Variants in WFS1 observed in about 807,000 individuals in gnomAD.
WFS1 encodes wolframin.
Under a neutral mutation model 68.5 loss-of-function variants are expected in WFS1, and 90 were observed. That is an observed-to-expected ratio of 1.31 (90% CI 1.11 to 1.56). WFS1 has a LOEUF of 1.56. Among genes scored for constraint, WFS1 ranks in the 40% most tolerant of loss-of-function variants. The pLI is 0.00. For synonymous variants in WFS1, 860 were observed against 540.7 expected (o/e 1.59, Z -8.19); for missense variants, 1,767 against 1,232.6 (o/e 1.43, Z -6.49).
chr4:6,278,420 A>C lies in WFS1; in HGVS notation c.232+733A>C, dbSNP rs141945369. Among the ~76,000 whole-genome samples, 17 of 152,292 alleles carry C rather than the reference A, an allele frequency of 1.1e-4. 1 individual carries two copies. The East Asian group carries it at 3.1e-3, about 28-fold the overall frequency. On this transcript the variant is annotated intron_variant, in intron 2 of 7. Transcript: ENST00000226760. ...TTTGCTAGAGAGGCCGCTGCCAGGGAGGCTCAGTCCCAGCTCATCACTGCC... is the reference window on the plus strand; with the variant it reads ...TTTGCTAGAGAGGCCGCTGCCAGGGCGGCTCAGTCCCAGCTCATCACTGCC...
At chr4:6,290,416 T>C (rs1730429107) in intron 4 of WFS1, among the ~76,000 whole-genome samples, 1 of 152,216 alleles carries the variant, frequency 6.6e-6, no homozygotes, top group Admixed American at 6.5e-5. Flanking sequence ...CACGGCTCAT[T>C]GTTGGGTGCC....
chr4:6,301,324 A>C lies in WFS1; in HGVS notation c.1529A>C (p.Tyr510Ser). The change falls in exon 8 of 8, where the codon TAC becomes TCC. Residue 510 changes from tyrosine to serine, a missense_variant. Transcript: ENST00000226760. ...NVSVPCLLYV[Y>S]LLYLFFRMAQ... is the part of the protein sequence containing the mutation. ...AGCGTCCCGTGCCTGCTCTATGTCT[A>C]CCTGCTCTATCTCTTCTTCCGCATG... is the stretch of plus-strand genomic sequence containing the variant. The C allele has an allele frequency of 1.9e-6, 3 of 1,611,552 alleles. No individual in the cohort carries two copies. Among genetic ancestry groups the C allele is most frequent in the Non-Finnish European group, 2.5e-6 (3 of 1,179,886 alleles).
In WFS1 at chr4:6,301,384, A is replaced by ACCTT; in HGVS notation, c.1590_1593dup (p.Val532ProfsTer12). 1 of 1,612,366 alleles carries ACCTT rather than the reference A, an allele frequency of 6.2e-7. No individual in the cohort carries two copies. Among genetic ancestry groups the ACCTT allele is most frequent in the Non-Finnish European group, 8.5e-7 (1 of 1,179,966 alleles). On this transcript the variant is annotated frameshift_variant, in exon 8 of 8. Transcript: ENST00000226760. LOFTEE classifies it high-confidence loss of function. ...AGGAATTTCAAGGGCACCTACTGCT[A>ACCTT]CCTTGTGCCCTACCTGGTGTGCTTC...
intron 5 of WFS1, among the ~76,000 whole-genome samples, chr4:6,291,618 A>T (rs1730466657): frequency 6.6e-6 from 1 of 152,124 alleles, no homozygotes. Context: ...TCAAGTGCTC[A>T]CTCATTGAAT....
At position 6,287,859 on chromosome 4, in the gene WFS1, C is replaced by T. The variant is rs936778911; in HGVS notation, c.315+684C>T. ...GCTCAAGCAAGTGACCACAGTTATC[C>T]TGAGCAGTTTCCTGCCCCCTCTTCT... On this transcript the variant is annotated intron_variant, in intron 3 of 7. Coordinates refer to ENST00000226760, the MANE Select transcript of WFS1 (RefSeq NM_006005.3). The surrounding 1 kb of genome is among the most constrained non-coding windows in gnomAD (Gnocchi z 6.4). Among the ~76,000 whole-genome samples, 15 of 152,172 alleles carry T rather than the reference C, an allele frequency of 9.9e-5. No individual in the cohort carries two copies. The highest frequency in any genetic ancestry group is 3.4e-4 in the African/African-American group (14 of 41,446).
intron 7 of WFS1, among the ~76,000 whole-genome samples, chr4:6,298,556 G>C (rs980092104): frequency 1.3e-5 from 2 of 151,838 alleles, no homozygotes; most frequent in Non-Finnish European, 2.9e-5. Context: ...GTTCCCCCAC[G>C]TGTAGACGTG....
At position 6,295,093 on chromosome 4, in the gene WFS1, C is replaced by T. The variant is rs1188757426; in HGVS notation, c.765C>T (p.Ala255=). 4.5e-5 allele frequency: 73 copies of T among 1,613,420 alleles called. No homozygotes were observed. Among genetic ancestry groups the T allele is most frequent in the Non-Finnish European group, 5.6e-5 (66 of 1,180,040 alleles). Residue 255 remains alanine (A), a synonymous_variant, in exon 7 of 8, where the codon GCC becomes GCT. Transcript: ENST00000226760. ...TTGTGGAGATCACTAAGAAGTACGC[C>T]AAGGGCGTCATCCCCAGCAGCCTGT... is the stretch of plus-strand genomic sequence containing the variant. ...DDFVEITKKY[A]KGVIPSSLFL... is the part of the protein sequence containing the mutation.
At chr4:6,295,308 T>TA (rs778341895) in intron 7 of WFS1, 119 bp downstream of exon 7, 2 of 1,242,490 alleles carry the variant, frequency 1.6e-6, no homozygotes, top group Non-Finnish European at 2.3e-6. Context: ...AAGAGTGTCT[T>TA]ACAGCCGTGC....
chr4:6,281,812 G>GC (rs1235756121), intron 2 of WFS1, among the ~76,000 whole-genome samples: 1 of 152,124 alleles, frequency 6.6e-6, no homozygotes. Flanking sequence ...TCCTGACCTG[G>GC]CCCATCTGAT....
chr4:6,281,136 G>A (rs1357448353), intron 2 of WFS1, among the ~76,000 whole-genome samples: 3 of 152,316 alleles, frequency 2.0e-5, no homozygotes, highest in South Asian at 2.1e-4. Context: ...ACACAGATGC[G>A]GACAGGAGCA....
In WFS1 at chr4:6,269,893, A is replaced by T. The variant is rs542116747; in HGVS notation, c.-127A>T. On this transcript the variant is annotated 5_prime_UTR_variant, in exon 1 of 8. Coordinates refer to ENST00000226760, the MANE Select transcript of WFS1 (RefSeq NM_006005.3). ...GCCGGCTCTTCAGCAGCGAGTGCAG[A>T]TTGCTCCCCCGCGGCCGCAGATCTC... 5 of 152,170 alleles carry T rather than the reference A, an allele frequency of 3.3e-5. No individual in the cohort carries two copies. The East Asian group carries it at 9.7e-4, about 29-fold the overall frequency. 9.4% of individuals were successfully genotyped at this position (152,170 alleles called of 1,614,324 possible).
intron 7 of WFS1, among the ~76,000 whole-genome samples, chr4:6,299,858 C>CAGGTAGGTTGCGTGT (rs1730801444): frequency 1.3e-5 from 1 of 76,408 alleles, no homozygotes; most frequent in African/African-American, 5.4e-5. Flanking sequence ...TGTGTGAATG[C>CAGGTAGGTTGCGTGT]GTGTGTGTAG....
chr4:6,299,858 C>CGT (rs1241238507), intron 7 of WFS1, among the ~76,000 whole-genome samples: 1 of 76,374 alleles, frequency 1.3e-5, no homozygotes, highest in Non-Finnish European at 2.3e-5. Context: ...TGTGTGAATG[C>CGT]GTGTGTGTAG....
Position 6,301,526 on chromosome 4 carries a change from G to C in WFS1, c.1731G>C (p.Leu577=), listed in dbSNP as rs760031371. The C allele has an allele frequency of 6.2e-7, 1 of 1,613,884 alleles. No homozygotes were observed. The highest frequency in any genetic ancestry group is 8.5e-7 in the Non-Finnish European group (1 of 1,180,036). Residue 577 remains leucine, a synonymous_variant, in exon 8 of 8, where the codon CTG becomes CTC. Coordinates refer to ENST00000226760, the MANE Select transcript of WFS1 (RefSeq NM_006005.3). ...LFALPILVAG[L]ALVGVLQFAR... ...CCCTCCCCATCCTGGTGGCCGGCCT[G>C]GCCCTGGTGGGCGTGCTGCAGTTCG...
intron 7 of WFS1, among the ~76,000 whole-genome samples, chr4:6,298,949 C>T (rs989007111): frequency 1.3e-5 from 2 of 152,226 alleles, no homozygotes; most frequent in African/African-American, 4.8e-5. Context: ...GTCATGTAGC[C>T]CCTCAGTGGG....
Position 6,300,854 on chromosome 4 carries a change from C to T in WFS1, c.1059C>T (p.Ser353=), listed in dbSNP as rs779118183. The part of the protein sequence containing the change: ...FFIPLVIFYL[S]FISMVICTLK... ...TCCCGCTGGTCATCTTCTACCTGTC[C>T]TTCATCTCCATGGTGATCTGCACCC... Residue 353 remains serine (S), a synonymous_variant, in exon 8 of 8, where the codon TCC becomes TCT. Transcript: ENST00000226760. 4.3e-6 allele frequency: 7 copies of T among 1,614,050 alleles called. No homozygotes were observed. The highest frequency in any genetic ancestry group is 3.3e-5 in the South Asian group (3 of 91,068).
Position 6,302,527 on chromosome 4 carries a change from G to T in WFS1, c.*59G>T. On this transcript the variant is annotated 3_prime_UTR_variant, in exon 8 of 8. Coordinates refer to ENST00000226760, the MANE Select transcript of WFS1 (RefSeq NM_006005.3). ...TTGCCATGAGGCCTTTCCCCAGTGT[G>T]GCCCCAGCCCGACAGGCATGCACCA... 4 of 1,603,874 alleles carry T rather than the reference G, an allele frequency of 2.5e-6. No individual in the cohort carries two copies. In the Admixed American group the frequency reaches 6.7e-5, roughly 27 times the overall value.
At position 6,302,052 on chromosome 4, in the gene WFS1, G is replaced by T; in HGVS notation, c.2257G>T (p.Glu753Ter). The change falls in exon 8 of 8, where the codon GAG (glutamate) becomes TAG (stop). Residue 753 changes from glutamate to a stop codon, truncating the protein, a stop_gained. Transcript: ENST00000226760. LOFTEE classifies it high-confidence loss of function. ...TGGCAACACCTCCACGGCCGAGGAG[G>T]AGCTCTGTCGCCTTAAGCTGCTGGC... The part of the protein sequence containing the change: ...SPGNTSTAEE[E>*]LCRLKLLAKH... The T allele has an allele frequency of 1.2e-6, 2 of 1,612,884 alleles. No individual in the cohort carries two copies. The highest frequency in any genetic ancestry group is 1.7e-6 in the Non-Finnish European group (2 of 1,179,998).
chr4:6,284,316 C>T (rs1162382253), intron 2 of WFS1, among the ~76,000 whole-genome samples: 1 of 151,918 alleles, frequency 6.6e-6, no homozygotes, highest in African/African-American at 2.4e-5. Flanking sequence ...GAGGTTGTGG[C>T]GAGCCGAGAT....
Sources: allele counts gnomAD v4.1 joint callset (sites outside exome capture counted in the v4.1 genomes callset), GRCh38; gene constraint gnomAD v4.1.1; non-coding constraint Gnocchi (gnomAD v3.1); transcripts MANE v1.5; gene names NCBI Gene and HGNC (gene_info 2026-07-23, HGNC 2026-07-21).